Variants in HPSE2 observed in about 807,000 individuals in gnomAD.
HPSE2 encodes heparanase 2 (inactive), also known as inactive heparanase-2.
In HPSE2, 38 loss-of-function variants were observed where a neutral mutation model predicts 60.5. The ratio of observed to expected loss-of-function variants is 0.63; its 90% CI spans 0.48 to 0.82. HPSE2 has a LOEUF of 0.82. Among genes scored for constraint, HPSE2 ranks in the 40% least tolerant of loss-of-function variants. The pLI, the probability that HPSE2 is intolerant of heterozygous loss-of-function variation, is 0.00. For synonymous variants in HPSE2, 295 were observed against 293.2 expected (o/e 1.01, Z -0.06); for missense variants, 713 against 740.4 (o/e 0.96, Z 0.43).
intron 9 of HPSE2, among the ~76,000 whole-genome samples, chr10:98,499,091 G>A (rs1564921194): frequency 6.6e-6 from 1 of 152,134 alleles, no homozygotes; most frequent in East Asian, 1.9e-4. Context: ...GGGAATAATC[G>A]AGGAAAACTT....
At chr10:99,198,869 AACC>A (rs747460777) in intron 2 of HPSE2, among the ~76,000 whole-genome samples, 8 of 152,106 alleles carry the variant, frequency 5.3e-5, no homozygotes, top group Admixed American at 2.0e-4. Flanking sequence ...AGTACCTGGA[AACC>A]ACCATTCTAC....
chr10:98,561,951 T>C (rs1018825544), intron 9 of HPSE2, among the ~76,000 whole-genome samples: 2 of 152,222 alleles, frequency 1.3e-5, no homozygotes, highest in Non-Finnish European at 2.9e-5. Flanking sequence ...CAGTAGTGTA[T>C]AGTAATGTCT....
chr10:98,697,560 T>C (rs10883168), intron 5 of HPSE2, among the ~76,000 whole-genome samples: 7,251 of 151,948 alleles, frequency 0.048, 386 homozygotes, highest in East Asian at 0.17. Context: ...ACGGGGAAAA[T>C]GAAACCAAGT....
At chr10:99,258,555 C>T in the HPSE2 span, among the ~76,000 whole-genome samples, 1 of 152,048 alleles carries the variant, frequency 6.6e-6, no homozygotes, top group Non-Finnish European at 1.5e-5. Flanking sequence ...GATGAAAATA[C>T]AAAGGACCTA....
chr10:98,993,272 G>C (rs559822823), intron 3 of HPSE2, among the ~76,000 whole-genome samples: 2 of 152,330 alleles, frequency 1.3e-5, no homozygotes, highest in South Asian at 4.2e-4. Context: ...CTGAGCCAGA[G>C]AGAACTGCAT....
chr10:98,922,941 A>T (rs1954326480), intron 3 of HPSE2, among the ~76,000 whole-genome samples: 1 of 152,208 alleles, frequency 6.6e-6, no homozygotes, highest in African/African-American at 2.4e-5. Flanking sequence ...CATCACAACT[A>T]CAAAGTTATA....
chr10:98,662,393 ATGTCCTTTAC>A (rs1311160823), intron 6 of HPSE2, among the ~76,000 whole-genome samples: 1 of 152,244 alleles, frequency 6.6e-6, no homozygotes, highest in African/African-American at 2.4e-5. Context: ...GAATGAGATT[ATGTCCTTTAC>A]AGGAACATGG....
At chr10:98,988,257 A>G (rs1429726125) in intron 3 of HPSE2, among the ~76,000 whole-genome samples, 136 of 152,416 alleles carry the variant, frequency 8.9e-4, no homozygotes, top group Non-Finnish European at 1.6e-3. Context: ...CTACAAGGCT[A>G]CAGTAACCAA....
intron 3 of HPSE2, among the ~76,000 whole-genome samples, chr10:99,040,182 C>G (rs1359623026): frequency 1.3e-5 from 2 of 152,160 alleles, no homozygotes; most frequent in Non-Finnish European, 2.9e-5. Flanking sequence ...TCACAGGCAT[C>G]TTTCCATATC....
intron 3 of HPSE2, among the ~76,000 whole-genome samples, chr10:99,024,321 G>T (rs1957329835): frequency 6.6e-6 from 1 of 152,046 alleles, no homozygotes; most frequent in South Asian, 2.1e-4. Flanking sequence ...AAAAAACAAT[G>T]AAGCACACCT....
chr10:98,502,554 C>A (rs1304836653), intron 9 of HPSE2, among the ~76,000 whole-genome samples: 1 of 152,164 alleles, frequency 6.6e-6, no homozygotes, highest in African/African-American at 2.4e-5. Context: ...TCAGCTCAAG[C>A]TGGATTAAGA....
At chr10:98,663,391 GA>G (rs1293925582) in intron 6 of HPSE2, among the ~76,000 whole-genome samples, 1 of 151,924 alleles carries the variant, frequency 6.6e-6, no homozygotes, top group Non-Finnish European at 1.5e-5. Context: ...AGTGCTATAA[GA>G]AAAAAAATAG....
chr10:98,697,660 G>A (rs1475758162), intron 5 of HPSE2, among the ~76,000 whole-genome samples: 6 of 151,996 alleles, frequency 3.9e-5, no homozygotes, highest in Non-Finnish European at 7.4e-5. Context: ...ACAGAGAACC[G>A]CACTAAGATA....
chr10:99,311,694 A>T, the HPSE2 span, among the ~76,000 whole-genome samples: 1 of 152,192 alleles, frequency 6.6e-6, no homozygotes, highest in Non-Finnish European at 1.5e-5. Flanking sequence ...ATAACCCTAC[A>T]ACGGCCTCTA....
chr10:99,252,876 C>CAAAAAAAAAAAAAAAAAAAAAAAAA, the HPSE2 span, among the ~76,000 whole-genome samples: 1 of 103,854 alleles, frequency 9.6e-6, no homozygotes. Flanking sequence ...GACTCCGTCT[C>CAAAAAAAAAAAAAAAAAAAAAAAAA]AAAAAAAAAA....
At chr10:98,800,310 A>G in intron 3 of HPSE2, among the ~76,000 whole-genome samples, 1 of 151,762 alleles carries the variant, frequency 6.6e-6, no homozygotes, top group Admixed American at 6.6e-5. Context: ...TCAAGGCTGC[A>G]GTGAGCTCTG....
At chr10:98,473,484 C>CAAAAAA (rs752065277) in intron 11 of HPSE2, among the ~76,000 whole-genome samples, 1 of 44,292 alleles carries the variant, frequency 2.3e-5, no homozygotes, top group Non-Finnish European at 3.9e-5. Flanking sequence ...GACTCTGTCT[C>CAAAAAA]AAAAAAAAAA....
At chr10:98,727,748 A>AAT (rs1174197412) in intron 4 of HPSE2, among the ~76,000 whole-genome samples, 1 of 151,598 alleles carries the variant, frequency 6.6e-6, no homozygotes, top group Non-Finnish European at 1.5e-5. Context: ...ATCAAATAGA[A>AAT]ATATACATAA....
intron 11 of HPSE2, among the ~76,000 whole-genome samples, chr10:98,477,560 T>C (rs540532030): frequency 1.3e-5 from 2 of 152,360 alleles, no homozygotes; most frequent in African/African-American, 4.8e-5. Context: ...CCAAATGGAA[T>C]TGAACAAGGC....
Sources: gnomAD v4.1 joint callset for allele counts (sites outside exome capture counted in the v4.1 genomes callset) on GRCh38, gnomAD v4.1.1 for gene constraint, MANE v1.5 for transcripts, NCBI Gene and HGNC (gene_info 2026-07-23, HGNC 2026-07-21) for gene names.